PKHD1: variants seen among roughly 807,000 people sequenced by gnomAD.
PKHD1 encodes the protein fibrocystin.
In PKHD1, 291 loss-of-function variants were observed where a neutral mutation model predicts 412.0. The ratio of observed to expected loss-of-function variants is 0.71; its 90% CI spans 0.64 to 0.78. The LOEUF (loss-of-function observed/expected upper bound fraction) is 0.78. Ranked by LOEUF, PKHD1 falls within the 30% of genes least tolerant of loss-of-function variation. PKHD1 has a pLI of 0.00. For synonymous variants in PKHD1, 1,777 were observed against 1,821.5 expected (o/e 0.98, Z 0.62); for missense variants, 4,825 against 4,950.7 (o/e 0.97, Z 0.76).
intron 60 of PKHD1, among the ~76,000 whole-genome samples, chr6:51,726,212 T>C (rs1438385968): frequency 3.3e-5 from 5 of 152,210 alleles, no homozygotes; most frequent in African/African-American, 9.6e-5. Context: ...GCACTGGACA[T>C]ACAGGAGTTT....
rs1819563 is a variant in PKHD1 at position 51,640,641 on chromosome 6, T to G, written c.11399-1685A>C. On this transcript the variant is annotated intron_variant, in intron 63 of 66. Coordinates refer to ENST00000371117, the MANE Select transcript of PKHD1 (RefSeq NM_138694.4). The stretch of plus-strand genomic sequence containing the variant: ...TACACAACTACCAGGGAATGATACC[T>G]GAATGGGTTTCTGCAGGATAGATAG... Among the ~76,000 whole-genome samples, 1,195 of 152,278 alleles carry G rather than the reference T, an allele frequency of 7.8e-3. 13 individuals carry two copies. The highest frequency in any genetic ancestry group is 0.027 in the African/African-American group (1,120 of 41,568).
chr6:51,937,218 G>T (rs982737101), intron 36 of PKHD1, among the ~76,000 whole-genome samples: 2 of 152,122 alleles, frequency 1.3e-5, no homozygotes, highest in African/African-American at 4.8e-5. Flanking sequence ...ATCCATCTAT[G>T]ACCTGGAAGC....
chr6:51,712,631 T>G lies in PKHD1; in HGVS notation c.10156+31754A>C, dbSNP rs116400167. 1.0e-3 allele frequency among the ~76,000 whole-genome samples: 154 copies of G among 152,318 alleles called. 1 individual carries two copies. Among genetic ancestry groups the G allele is most frequent in the African/African-American group, 3.5e-3 (146 of 41,574 alleles). On this transcript the variant is annotated intron_variant, in intron 60 of 66. Transcript: ENST00000371117. Reference sequence around the variant, plus strand: ...AAACATTTGTAATTAATGCACTTCTTTCAAAAAGAGAAAACAGGTGATTCT... The same window carrying G: ...AAACATTTGTAATTAATGCACTTCTGTCAAAAAGAGAAAACAGGTGATTCT...
At chr6:51,832,993 T>C (rs1287317801) in intron 51 of PKHD1, among the ~76,000 whole-genome samples, 1 of 152,184 alleles carries the variant, frequency 6.6e-6, no homozygotes, top group African/African-American at 2.4e-5. Flanking sequence ...TCCAATACTG[T>C]AATACCTTTC....
chr6:51,911,650 A>G, intron 39 of PKHD1, 149 bp downstream of exon 39: 1 of 698,196 alleles, frequency 1.4e-6, no homozygotes, highest in Non-Finnish European at 2.5e-6. Context: ...AATCAAGAGC[A>G]TTCTGAAAAC....
intron 35 of PKHD1, among the ~76,000 whole-genome samples, chr6:51,975,258 C>A (rs1332544315): frequency 6.6e-6 from 1 of 151,848 alleles, no homozygotes; most frequent in Non-Finnish European, 1.5e-5. Context: ...TTGGATATGA[C>A]ACCAAAAGCA....
At chr6:51,817,349 T>C (rs1307570893) in intron 52 of PKHD1, among the ~76,000 whole-genome samples, 2 of 151,696 alleles carry the variant, frequency 1.3e-5, no homozygotes, top group Admixed American at 6.6e-5. Context: ...AAAAATGCTA[T>C]TGTGGTGAAG....
At chr6:51,880,802 AAAAAAC>A (rs1777169280) in intron 46 of PKHD1, among the ~76,000 whole-genome samples, 3 of 56,466 alleles carry the variant, frequency 5.3e-5, no homozygotes, top group African/African-American at 7.7e-5. Context: ...AAAAAAAAAA[AAAAAAC>A]ACAAAAAATT....
chr6:51,627,131 A>T lies in PKHD1; in HGVS notation c.11666-15T>A. The T allele has an allele frequency of 6.2e-7, 1 of 1,606,350 alleles. No homozygotes were observed. Among genetic ancestry groups the T allele is most frequent in the Non-Finnish European group, 8.5e-7 (1 of 1,175,706 alleles). On this transcript the variant is annotated splice_polypyrimidine_tract_variant and intron_variant, in intron 65 of 66. Transcript: ENST00000371117. ...AGGTTTTGTTTCTGTATTAATGGAG[A>T]AGAAAAAGGATTTTTTTGTTCAGTT...
At position 52,053,030 on chromosome 6, in the gene PKHD1, G is replaced by A. The variant is rs781360475; in HGVS notation, c.2140+46C>T. 58 of 1,579,626 alleles carry A rather than the reference G, an allele frequency of 3.7e-5. 4 individuals carry two copies. In the South Asian group the frequency reaches 6.5e-4, roughly 18 times the overall value. The stretch of plus-strand genomic sequence containing the variant: ...GTAACCCCTAGCAGGAAAGTTTGAG[G>A]TAGGCATGTGACCGGCTTGTGGAGG... On this transcript the variant is annotated intron_variant, in intron 21 of 66. Transcript: ENST00000371117.
At chr6:51,887,092 C>T (rs773986306) in intron 44 of PKHD1, 41 bp downstream of exon 44, 7 of 1,262,928 alleles carry the variant, frequency 5.5e-6, no homozygotes, top group Non-Finnish European at 8.1e-6. Context: ...AATGTGAAAT[C>T]ATAAGACAGC....
intron 52 of PKHD1, among the ~76,000 whole-genome samples, chr6:51,812,696 G>T (rs1293875728): frequency 6.6e-6 from 1 of 152,158 alleles, no homozygotes. Context: ...TCTTATGGGG[G>T]AAATTTATAT....
At chr6:51,696,357 G>A (rs1273301287) in intron 60 of PKHD1, among the ~76,000 whole-genome samples, 1 of 152,178 alleles carries the variant, frequency 6.6e-6, no homozygotes, top group Non-Finnish European at 1.5e-5. Context: ...TGGGGCTGAA[G>A]CTTCCAGAAG....
intron 39 of PKHD1, 84 bp downstream of exon 39, chr6:51,911,715 T>C (rs1782962351): frequency 8.2e-7 from 1 of 1,212,178 alleles, no homozygotes; most frequent in South Asian, 1.2e-5. Context: ...TTAAAAGAGG[T>C]CAACCACAGC....
intron 55 of PKHD1, among the ~76,000 whole-genome samples, chr6:51,770,394 T>C (rs1306363327): frequency 6.6e-6 from 1 of 151,864 alleles, no homozygotes; most frequent in Non-Finnish European, 1.5e-5. Context: ...TATTTTGTTT[T>C]AGATGTCAAT....
rs139442289 is a variant in PKHD1 at position 51,659,186 on chromosome 6, T to C, written c.10940A>G (p.His3647Arg). 17 of 1,613,676 alleles carry C rather than the reference T, an allele frequency of 1.1e-5. No individual in the cohort carries two copies. Among genetic ancestry groups the C allele is most frequent in the Non-Finnish European group, 1.4e-5 (16 of 1,179,846 alleles). Residue 3647 changes from histidine to arginine, a missense_variant, in exon 61 of 67, where the codon CAT (histidine) becomes CGT (arginine). Physicochemically the swap from His to Arg is conservative, Grantham distance 29. Coordinates refer to ENST00000371117, the MANE Select transcript of PKHD1 (RefSeq NM_138694.4). ...CACAGTCATTGGGGGTGAAGCCCTA[T>C]GTGAGTTCATTTCCATCATGAGAGG... is the stretch of plus-strand genomic sequence containing the variant. The part of the protein sequence containing the change: ...RRPLMMEMNS[H>R]RASPPMTVET...
chr6:51,684,289 T>C (rs115513647), intron 60 of PKHD1, among the ~76,000 whole-genome samples: 1,675 of 152,240 alleles, frequency 0.011, 35 homozygotes, highest in African/African-American at 0.038. Flanking sequence ...TCACCCAACC[T>C]TCTTCAGGCT....
rs772555705 is a variant in PKHD1 at position 52,053,142 on chromosome 6, G to A, written c.2074C>T (p.Pro692Ser). Residue 692 changes from proline (P) to serine (S), a missense_variant, in exon 21 of 67, where the codon CCT becomes TCT. By Grantham distance (74) the Pro-to-Ser change is moderately conservative. Transcript: ENST00000371117. ...AACAGGCCCGTCTCCTGGGCCAGAG[G>A]GAGAAGGTTGATCTGATGAACCAGC... ...PVLVHQINLL[P>S]LAQETGLFYV... The A allele has an allele frequency of 9.3e-6, 15 of 1,614,070 alleles. No homozygotes were observed. The highest frequency in any genetic ancestry group is 1.2e-5 in the Non-Finnish European group (14 of 1,180,012).
chr6:51,632,009 C>T (rs767673453), intron 65 of PKHD1, among the ~76,000 whole-genome samples: 10 of 149,180 alleles, frequency 6.7e-5, no homozygotes, highest in Middle Eastern at 3.5e-3. Context: ...GGCGCAATCT[C>T]GGCTCACTGC....
Sources: allele counts gnomAD v4.1 joint callset (sites outside exome capture counted in the v4.1 genomes callset), GRCh38; gene constraint gnomAD v4.1.1; transcripts MANE v1.5; gene names NCBI Gene and HGNC (gene_info 2026-07-23, HGNC 2026-07-21).